MARCHF1: variants seen among roughly 807,000 people sequenced by gnomAD.
The protein encoded by MARCHF1 is E3 ubiquitin-protein ligase MARCHF1.
In MARCHF1, 40 loss-of-function variants were observed where a neutral mutation model predicts 54.2. That is an observed-to-expected ratio of 0.74 (90% CI 0.57 to 0.96). MARCHF1 has a LOEUF of 0.96. Among genes scored for constraint, MARCHF1 ranks in the 40% least tolerant of loss-of-function variants. The pLI is 0.00. For synonymous variants in MARCHF1, 236 were observed against 236.3 expected (o/e 1.00, Z 0.01); for missense variants, 586 against 656.5 (o/e 0.89, Z 1.17).
intron 2 of MARCHF1, among the ~76,000 whole-genome samples, chr4:164,048,117 G>A (rs1182309065): frequency 1.3e-5 from 2 of 152,012 alleles, no homozygotes; most frequent in African/African-American, 2.4e-5. Flanking sequence ...AAGTAAAATA[G>A]TTCCTAATTT....
chr4:164,010,341 C>T (rs535369175), intron 2 of MARCHF1, among the ~76,000 whole-genome samples: 2 of 151,712 alleles, frequency 1.3e-5, no homozygotes, highest in African/African-American at 4.8e-5. Flanking sequence ...TCGTGATCTG[C>T]CAGCCTCGGC....
chr4:163,910,641 C>G (rs766786507), intron 3 of MARCHF1, among the ~76,000 whole-genome samples: 1 of 152,138 alleles, frequency 6.6e-6, no homozygotes, highest in Non-Finnish European at 1.5e-5. Context: ...ATTACTGGCA[C>G]CCACCACCAT....
intron 2 of MARCHF1, among the ~76,000 whole-genome samples, chr4:164,062,696 G>T (rs1754645194): frequency 6.6e-6 from 1 of 151,938 alleles, no homozygotes; most frequent in South Asian, 2.1e-4. Flanking sequence ...GGCTAATTTT[G>T]TATTTTTAGT....
intron 5 of MARCHF1, among the ~76,000 whole-genome samples, chr4:163,636,968 C>A (rs1742354561): frequency 6.6e-6 from 1 of 152,138 alleles, no homozygotes; most frequent in South Asian, 2.1e-4. Flanking sequence ...TGATCTTTGA[C>A]AAACCTCAGA....
chr4:164,309,254 CTGTGTGTGTG>C (rs10577361), intron 1 of MARCHF1, among the ~76,000 whole-genome samples: 16 of 147,848 alleles, frequency 1.1e-4, no homozygotes, highest in African/African-American at 2.2e-4. Context: ...AATTTCTAAC[CTGTGTGTGTG>C]TGTGTGTGTG....
At chr4:163,810,872 C>A (rs1748365232) in intron 4 of MARCHF1, among the ~76,000 whole-genome samples, 3 of 152,164 alleles carry the variant, frequency 2.0e-5, no homozygotes, top group African/African-American at 7.2e-5. Context: ...ACAAAGCAGA[C>A]TAATCATTAA....
chr4:164,013,553 A>T lies in MARCHF1; in HGVS notation c.-247-24844T>A, dbSNP rs532611111. On this transcript the variant is annotated intron_variant, in intron 2 of 9. Transcript: ENST00000514618. ...AGTACAAGAAGATTTTAAAAATCCAATAAATTTAACCCAAATAAGACTACC... is the reference window on the plus strand; with the variant it reads ...AGTACAAGAAGATTTTAAAAATCCATTAAATTTAACCCAAATAAGACTACC... 3.5e-3 allele frequency among the ~76,000 whole-genome samples: 532 copies of T among 152,268 alleles called. 5 individuals carry two copies. Among genetic ancestry groups the T allele is most frequent in the African/African-American group, 0.012 (487 of 41,564 alleles).
intron 3 of MARCHF1, among the ~76,000 whole-genome samples, chr4:163,856,180 AC>A (rs1442722557): frequency 6.6e-6 from 1 of 152,104 alleles, no homozygotes; most frequent in Non-Finnish European, 1.5e-5. Context: ...AAAGCTATAA[AC>A]TTTTGGCTAC....
At chr4:163,620,193 G>T (rs1004786477) in intron 5 of MARCHF1, among the ~76,000 whole-genome samples, 3 of 152,084 alleles carry the variant, frequency 2.0e-5, no homozygotes, top group Admixed American at 1.3e-4. Context: ...GCAGATAAAT[G>T]TAAATTCAAT....
At chr4:164,222,285 T>C (rs1270218276) in intron 1 of MARCHF1, among the ~76,000 whole-genome samples, 4 of 151,930 alleles carry the variant, frequency 2.6e-5, no homozygotes, top group Non-Finnish European at 4.4e-5. Flanking sequence ...TTTTTATCCT[T>C]CTGCTTTCCT....
At chr4:163,664,477 G>T (rs1253839914) in intron 5 of MARCHF1, among the ~76,000 whole-genome samples, 1 of 152,040 alleles carries the variant, frequency 6.6e-6, no homozygotes, top group Non-Finnish European at 1.5e-5. Context: ...TGTTTTCTTT[G>T]AAGAAATGGA....
intron 4 of MARCHF1, among the ~76,000 whole-genome samples, chr4:163,833,423 A>T (rs1014886981): frequency 1.4e-4 from 21 of 152,284 alleles, no homozygotes; most frequent in African/African-American, 5.1e-4. Flanking sequence ...CATCAGAGTG[A>T]ACAGGCAACC....
intron 1 of MARCHF1, among the ~76,000 whole-genome samples, chr4:164,369,855 G>C (rs750581796): frequency 2.0e-5 from 3 of 152,078 alleles, no homozygotes; most frequent in Non-Finnish European, 4.4e-5. Context: ...CAAACTATGA[G>C]AATAAATCAA....
At chr4:163,537,992 G>T (rs1333885148) in intron 9 of MARCHF1, among the ~76,000 whole-genome samples, 1 of 152,218 alleles carries the variant, frequency 6.6e-6, no homozygotes, top group Non-Finnish European at 1.5e-5. Flanking sequence ...AAAGGCTTAA[G>T]ATAGTTTGTA....
Position 164,038,997 on chromosome 4 carries a change from A to C in MARCHF1, c.-247-50288T>G, listed in dbSNP as rs1421799666. Reference sequence around the variant, plus strand: ...GGAGATCATAAAGCTGAATAAGATAAACACTTAAAGAAAAATCATTAATTT... The same window carrying C: ...GGAGATCATAAAGCTGAATAAGATACACACTTAAAGAAAAATCATTAATTT... On this transcript the variant is annotated intron_variant, in intron 2 of 9. Coordinates refer to ENST00000514618, the MANE Select transcript of MARCHF1 (RefSeq NM_001394959.1). Among the ~76,000 whole-genome samples the C allele has an allele frequency of 2.0e-5, 3 of 152,198 alleles. No individual in the cohort carries two copies. In the East Asian group the frequency reaches 5.8e-4, roughly 29 times the overall value.
chr4:163,526,586 T>TTTATC lies in MARCHF1; in HGVS notation c.*2157_*2161dup, dbSNP rs1158519052. The TTTATC allele has an allele frequency of 6.6e-6, 1 of 152,066 alleles. No individual in the cohort carries two copies. Among genetic ancestry groups the TTTATC allele is most frequent in the African/African-American group, 2.4e-5 (1 of 41,434 alleles). The allele number at this position is 152,066 out of a possible 1,614,324, so 9.4% of individuals were successfully genotyped here. A position where few individuals can be genotyped will look rare whatever the true frequency, so the allele number is the denominator to read the frequency against. On this transcript the variant is annotated 3_prime_UTR_variant, in exon 10 of 10. Coordinates refer to ENST00000514618, the MANE Select transcript of MARCHF1 (RefSeq NM_001394959.1). The stretch of plus-strand genomic sequence containing the variant: ...CACAGATTTGTTATTCATAAATGTA[T>TTTATC]TTATCTTAAATATTTAAAATGGGCA...
rs1560927953 is a variant in MARCHF1, at chr4:164,148,676, G to C, written c.-322-37014C>G. Reference sequence around the variant, plus strand: ...GAAAAATTCTGTTTATCAAGCTATTGTTAAGCATGTGCCAAGTCCTTTAGA... The same window carrying C: ...GAAAAATTCTGTTTATCAAGCTATTCTTAAGCATGTGCCAAGTCCTTTAGA... On this transcript the variant is annotated intron_variant, in intron 1 of 9. Transcript: ENST00000514618. Among the ~76,000 whole-genome samples the C allele has an allele frequency of 2.0e-5, 3 of 152,128 alleles. No homozygotes were observed. The South Asian group carries it at 6.2e-4, about 31-fold the overall frequency.
At chr4:164,128,791 T>C (rs1428387904) in intron 1 of MARCHF1, among the ~76,000 whole-genome samples, 1 of 152,110 alleles carries the variant, frequency 6.6e-6, no homozygotes, top group Non-Finnish European at 1.5e-5. Flanking sequence ...ATAATCTGCT[T>C]CTCCCTGTGG....
rs992228834 is a variant in MARCHF1 at position 164,286,706 on chromosome 4, TTA to T, written c.-323+97162_-323+97163del. Among the ~76,000 whole-genome samples, 79 of 69,436 alleles carry T rather than the reference TTA, an allele frequency of 1.1e-3. No homozygotes were observed. The Middle Eastern group carries it at 0.025, about 22-fold the overall frequency. The allele number at this position is 69,436 out of a possible 152,430, so 45.6% of individuals were successfully genotyped here. A position where few individuals can be genotyped will look rare whatever the true frequency, so the allele number is the denominator to read the frequency against. On this transcript the variant is annotated intron_variant, in intron 1 of 9. Transcript: ENST00000514618. Reference sequence around the variant, plus strand: ...AAAAAAGACTTTCTTGTTCAAACTATTATATATATATTTTATATTTTTATATA... The same window carrying T: ...AAAAAAGACTTTCTTGTTCAAACTATTATATATATTTTATATTTTTATATA...
Sources: allele counts gnomAD v4.1 joint callset (sites outside exome capture counted in the v4.1 genomes callset), GRCh38; gene constraint gnomAD v4.1.1; transcripts MANE v1.5; gene names NCBI Gene and HGNC (gene_info 2026-07-23, HGNC 2026-07-21).